HTR2A: variants seen among roughly 807,000 people sequenced by gnomAD.
The protein encoded by HTR2A is 5-hydroxytryptamine receptor 2A.
Under a neutral mutation model 31.0 loss-of-function variants are expected in HTR2A, and 14 were observed. The observed-to-expected ratio is 0.45, with a 90% CI of 0.30 to 0.71. HTR2A has a LOEUF of 0.71. HTR2A is among the 30% of genes least tolerant of loss of function. HTR2A has a pLI of 0.09. For missense variants in HTR2A, 442 were observed against 573.3 expected, an observed-to-expected ratio of 0.77 and a Z score of 2.34; for synonymous variants, 209 against 225.2, an observed-to-expected ratio of 0.93 and a Z score of 0.64.
At chr13:46,867,481 G>A (rs1328675) in intron 3 of HTR2A, among the ~76,000 whole-genome samples, 98,244 of 151,646 alleles carry the variant, frequency 0.65, 32,753 homozygotes, top group East Asian at 0.95. Context: ...ATAGCTTGGT[G>A]CATATGTGTA....
At chr13:46,839,008 A>ACACACACACACC (rs1555296630) in intron 3 of HTR2A, among the ~76,000 whole-genome samples, 11 of 144,062 alleles carry the variant, frequency 7.6e-5, no homozygotes, top group African/African-American at 2.7e-4. Flanking sequence ...ACACACACAC[A>ACACACACACACC]CCCTTACAGA....
At chr13:46,849,382 C>G (rs1232115150) in intron 3 of HTR2A, among the ~76,000 whole-genome samples, 1 of 152,190 alleles carries the variant, frequency 6.6e-6, no homozygotes, top group Non-Finnish European at 1.5e-5. Context: ...CAAGGGGCTC[C>G]CATCCTTACC....
At chr13:46,884,817 T>C (rs989042320) in intron 3 of HTR2A, among the ~76,000 whole-genome samples, 17 of 130,620 alleles carry the variant, frequency 1.3e-4, no homozygotes, top group African/African-American at 6.3e-4. Flanking sequence ...TATTTGTGTG[T>C]GTATGTATAC....
At chr13:46,838,420 C>T (rs1950575293) in intron 3 of HTR2A, among the ~76,000 whole-genome samples, 1 of 152,162 alleles carries the variant, frequency 6.6e-6, no homozygotes. Context: ...GCACAGCACC[C>T]AGTCCATAGT....
At chr13:46,883,491 T>C (rs184283443) in intron 3 of HTR2A, among the ~76,000 whole-genome samples, 21 of 152,256 alleles carry the variant, frequency 1.4e-4, no homozygotes, top group African/African-American at 5.1e-4. Context: ...GAATTTAAAG[T>C]GGTATCTTTG....
rs185376087 is a variant in HTR2A, at chr13:46,861,475, A to C, written c.614-25836T>G. ...GGAACCAGCTGTGGGCAAAGGAGTA[A>C]AGTTGCTTCTGGGATACAGTTTGGG... On this transcript the variant is annotated intron_variant, in intron 3 of 3. Transcript: ENST00000542664. Among the ~76,000 whole-genome samples, 217 of 152,270 alleles carry C rather than the reference A, an allele frequency of 1.4e-3. 2 individuals are homozygous for C. Among genetic ancestry groups the C allele is most frequent in the African/African-American group, 4.8e-3 (198 of 41,544 alleles).
At chr13:46,840,303 AAAT>A (rs1431031772) in intron 3 of HTR2A, among the ~76,000 whole-genome samples, 11 of 152,166 alleles carry the variant, frequency 7.2e-5, no homozygotes, top group African/African-American at 2.4e-4. Context: ...CAGAGTGGCT[AAAT>A]TCCTTCTAAT....
Position 46,895,783 on chromosome 13 carries a change from C to T in HTR2A, c.124G>A (p.Ala42Thr). ...TCAGAGTCGACTGTCCAGTTAAATG[C>T]ATCAGAAGTGTTAGCTTCTCCGGAG... ...FNSGEANTSDAFNWTVDSENR... is the reference protein window; with the variant it reads ...FNSGEANTSDTFNWTVDSENR... Residue 42 changes from alanine (A) to threonine (T), a missense_variant, in exon 2 of 4, where the codon GCA becomes ACA. By Grantham distance (58) the Ala-to-Thr change is moderately conservative. Around this residue, in one of 5 missense-constraint regions of HTR2A, gnomAD observed 83 missense variants for 84.8 expected, o/e 0.98. Transcript: ENST00000542664. The surrounding 1 kb of genome is among the most constrained non-coding windows in gnomAD (Gnocchi z 4.4). 1 of 1,614,152 alleles carries T rather than the reference C, an allele frequency of 6.2e-7. No individual in the cohort carries two copies. Among genetic ancestry groups the T allele is most frequent in the Non-Finnish European group, 8.5e-7 (1 of 1,180,026 alleles).
Position 46,895,944 on chromosome 13 carries a change from G to T in HTR2A, c.-38C>A. The T allele has an allele frequency of 1.9e-6, 3 of 1,566,724 alleles. No individual in the cohort carries two copies. The South Asian group carries it at 3.7e-5, about 19-fold the overall frequency. On this transcript the variant is annotated 5_prime_UTR_variant, in exon 2 of 4. Coordinates refer to ENST00000542664, the MANE Select transcript of HTR2A (RefSeq NM_000621.5). This position sits in a 1 kb window ranked among gnomAD's most constrained non-coding sequence, Gnocchi z 4.4. Reference sequence around the variant, plus strand: ...ACTTGTAGCAGATGAGGTGTAGAAGGACTAACAGGTTATAGTTTCTGCTCA... The same window carrying T: ...ACTTGTAGCAGATGAGGTGTAGAAGTACTAACAGGTTATAGTTTCTGCTCA...
intron 3 of HTR2A, among the ~76,000 whole-genome samples, chr13:46,879,429 A>G (rs892415547): frequency 6.6e-6 from 1 of 152,212 alleles, no homozygotes; most frequent in Non-Finnish European, 1.5e-5. Flanking sequence ...GCTGCAGCCA[A>G]TGTTGCTTTG....
intron 3 of HTR2A, among the ~76,000 whole-genome samples, chr13:46,873,468 T>C (rs575311762): frequency 6.7e-6 from 1 of 148,242 alleles, no homozygotes; most frequent in African/African-American, 2.5e-5. Flanking sequence ...TTATTATACT[T>C]TAAGTTTTAG....
intron 3 of HTR2A, among the ~76,000 whole-genome samples, chr13:46,839,692 C>A (rs1950584123): frequency 6.6e-6 from 1 of 152,114 alleles, no homozygotes; most frequent in African/African-American, 2.4e-5. Context: ...AGTATTAGAT[C>A]CTCTATGTAG....
intron 3 of HTR2A, among the ~76,000 whole-genome samples, chr13:46,868,045 C>T (rs1055333432): frequency 6.6e-6 from 1 of 152,148 alleles, no homozygotes; most frequent in African/African-American, 2.4e-5. Flanking sequence ...TAGCTGGTTT[C>T]CTTAGGCAAC....
chr13:46,893,983 A>T (rs954807820), intron 2 of HTR2A, among the ~76,000 whole-genome samples: 1 of 152,256 alleles, frequency 6.6e-6, no homozygotes, highest in African/African-American at 2.4e-5. Flanking sequence ...CCGAAAGGAA[A>T]GCCTTTTCCT....
intron 3 of HTR2A, among the ~76,000 whole-genome samples, chr13:46,860,971 C>G (rs2770292): frequency 0.17 from 26,417 of 152,082 alleles, 2,528 homozygotes; most frequent in Admixed American, 0.21. Flanking sequence ...AAATGAAATG[C>G]AAATTCAGAT....
intron 3 of HTR2A, among the ~76,000 whole-genome samples, chr13:46,883,241 G>A (rs931531257): frequency 7.6e-6 from 1 of 131,222 alleles, no homozygotes; most frequent in Non-Finnish European, 1.7e-5. Flanking sequence ...TGAGCTGCAT[G>A]AAGGCAAGAG....
In HTR2A at chr13:46,895,376, A is replaced by G; in HGVS notation, c.412+119T>C. On this transcript the variant is annotated intron_variant, in intron 2 of 3. Coordinates refer to ENST00000542664, the MANE Select transcript of HTR2A (RefSeq NM_000621.5). The surrounding 1 kb of genome is among the most constrained non-coding windows in gnomAD (Gnocchi z 4.4). ...TAAGTAACATAGTAGGCTCTAGTCT[A>G]TAAACAAAGACTTCTATTTATAGTT... 1 of 868,136 alleles carries G rather than the reference A, an allele frequency of 1.2e-6. No individual in the cohort carries two copies. Among genetic ancestry groups the G allele is most frequent in the Middle Eastern group, 2.9e-4 (1 of 3,446 alleles). 53.8% of individuals were successfully genotyped at this position (868,136 alleles called of 1,614,324 possible).
At chr13:46,838,220 G>A (rs1950574486) in intron 3 of HTR2A, among the ~76,000 whole-genome samples, 2 of 152,170 alleles carry the variant, frequency 1.3e-5, no homozygotes. Flanking sequence ...GTTGCTCATT[G>A]ATTAGAAAGG....
At chr13:46,843,620 C>T (rs544526545) in intron 3 of HTR2A, among the ~76,000 whole-genome samples, 6 of 152,188 alleles carry the variant, frequency 3.9e-5, no homozygotes, top group African/African-American at 1.4e-4. Flanking sequence ...GGTGGCTGTG[C>T]CATGCTGGGC....
Sources: gnomAD v4.1 joint callset for allele counts (sites outside exome capture counted in the v4.1 genomes callset) on GRCh38, gnomAD v4.1.1 for gene constraint, gnomAD v4.1.1 regional missense constraint, Gnocchi (gnomAD v3.1) non-coding constraint, MANE v1.5 for transcripts, NCBI Gene and HGNC (gene_info 2026-07-23, HGNC 2026-07-21) for gene names.